DMTN: variants seen among roughly 807,000 people sequenced by gnomAD.
DMTN encodes dematin actin binding protein, also known as dematin.
A neutral mutation model predicts 59.4 loss-of-function variants in DMTN; 27 were observed. That is an observed-to-expected ratio of 0.45 (90% CI 0.33 to 0.63). The LOEUF (loss-of-function observed/expected upper bound fraction) is 0.63, where lower values mean the gene tolerates loss of function less well. DMTN is among the 20% of genes least tolerant of loss of function. The pLI is 0.02. For synonymous variants in DMTN, 221 were observed against 203.7 expected (o/e 1.08, Z -0.72); for missense variants, 451 against 528.9 (o/e 0.85, Z 1.45).
intron 4 of DMTN, 47 bp downstream of exon 4, chr8:22,067,729 G>A: frequency 3.1e-6 from 5 of 1,600,860 alleles, no homozygotes; most frequent in Non-Finnish European, 3.4e-6. Context: ...GCCCCCCCCA[G>A]CCACACTGGG....
In DMTN at chr8:22,080,589, A is replaced by G. The variant is rs781702437; in HGVS notation, c.950-29A>G. On this transcript the variant is annotated intron_variant, in intron 12 of 15. Coordinates refer to ENST00000358242, the MANE Select transcript of DMTN (RefSeq NM_001387751.1). ...GTTGGCCTGCTGACCTCAGAGCTGC[A>G]TCTGACCCATGCCCCTTCTCTCCCG... is the stretch of plus-strand genomic sequence containing the variant. 14 of 1,611,456 alleles carry G rather than the reference A, an allele frequency of 8.7e-6. 1 individual carries two copies. The South Asian group carries it at 1.5e-4, about 18-fold the overall frequency.
intron 10 of DMTN, among the ~76,000 whole-genome samples, chr8:22,075,284 G>A (rs949593539): frequency 6.6e-6 from 1 of 151,026 alleles, no homozygotes; most frequent in Non-Finnish European, 1.5e-5. Flanking sequence ...AGACTCAAGG[G>A]GAGGGGAGCT....
chr8:22,067,244 A>C, intron 3 of DMTN, 85 bp downstream of exon 3: 1 of 1,446,472 alleles, frequency 6.9e-7, no homozygotes, highest in Non-Finnish European at 9.5e-7. Context: ...GCCTTCCCGC[A>C]GAGCCTCCCC....
chr8:22,061,151 A>T (rs1170530990), intron 1 of DMTN, among the ~76,000 whole-genome samples: 1 of 151,900 alleles, frequency 6.6e-6, no homozygotes. Flanking sequence ...GGTGTTGTGG[A>T]GTACTCCTGT....
rs1300307029 is a variant in DMTN at position 22,082,311 on chromosome 8, GC to G, written c.*855del. ...TCTCTCAAGAATGTAATTTATTGGGGCCCCCCCAGCTGCTTTCCTCACCTGC... is the reference window on the plus strand; with the variant it reads ...TCTCTCAAGAATGTAATTTATTGGGGCCCCCCAGCTGCTTTCCTCACCTGC... On this transcript the variant is annotated 3_prime_UTR_variant, in exon 16 of 16. Coordinates refer to ENST00000358242, the MANE Select transcript of DMTN (RefSeq NM_001387751.1). 7.4e-5 allele frequency: 33 copies of G among 445,198 alleles called. No homozygotes were observed. The highest frequency in any genetic ancestry group is 1.2e-4 in the Admixed American group (5 of 41,402). The allele number at this position is 445,198 out of a possible 1,614,324, so 27.6% of individuals were successfully genotyped here.
chr8:22,073,873 G>A (rs781251621), intron 10 of DMTN, 38 bp downstream of exon 10: 4 of 1,551,412 alleles, frequency 2.6e-6, no homozygotes, highest in Non-Finnish European at 3.6e-6. Context: ...CACCTGGCCA[G>A]AGATGGAGGC....
chr8:22,074,916 T>C (rs6992424), intron 10 of DMTN, among the ~76,000 whole-genome samples: 147,591 of 152,200 alleles, frequency 0.97, 71,556 homozygotes, highest in East Asian at 0.99. Context: ...GGTCCCGGCA[T>C]GGTGGCTCAC....
In DMTN at chr8:22,060,339, TGTGG is replaced by T. The variant is rs1298527973; in HGVS notation, c.-172+3208_-172+3211del. 6.6e-6 allele frequency among the ~76,000 whole-genome samples: 1 copy of T among 152,108 alleles called. No homozygotes were observed. Among genetic ancestry groups the T allele is most frequent in the African/African-American group, 2.4e-5 (1 of 41,390 alleles). Reference sequence around the variant, plus strand: ...ATGAGCTTTGATGGAAAGGGCTACTTGTGGGTGGAGTAGGCAGGGTGTGATTTGA... The same window carrying T: ...ATGAGCTTTGATGGAAAGGGCTACTTGTGGAGTAGGCAGGGTGTGATTTGA... On this transcript the variant is annotated intron_variant, in intron 1 of 15. Coordinates refer to ENST00000358242, the MANE Select transcript of DMTN (RefSeq NM_001387751.1). The surrounding 1 kb of genome is among the most constrained non-coding windows in gnomAD (Gnocchi z 5.0).
Position 22,081,353 on chromosome 8 carries a change from C to T in DMTN, c.1108C>T (p.His370Tyr). The T allele has an allele frequency of 6.2e-7, 1 of 1,613,926 alleles. No homozygotes were observed. Among genetic ancestry groups the T allele is most frequent in the South Asian group, 1.1e-5 (1 of 91,082 alleles). Residue 370 changes from histidine (H) to tyrosine (Y), a missense_variant, in exon 16 of 16, where the codon CAT (histidine) becomes TAT (tyrosine). Coordinates refer to ENST00000358242, the MANE Select transcript of DMTN (RefSeq NM_001387751.1). ...CTGCCCCGATTCCCCCATGTAGAGG[C>T]ATCTGTCTGCCGAGGACTTCTCAAG... ...PGVDRMRLER[H>Y]LSAEDFSRVF...
In DMTN at chr8:22,066,745, G is replaced by A; in HGVS notation, c.-131G>A. On this transcript the variant is annotated 5_prime_UTR_variant, in exon 2 of 16. Coordinates refer to ENST00000358242, the MANE Select transcript of DMTN (RefSeq NM_001387751.1). ...CCGAGGGATGAGGACGCGCCAGCCCGGGGGAACGCGCCAGCTGCTTTCGCG... is the reference window on the plus strand; with the variant it reads ...CCGAGGGATGAGGACGCGCCAGCCCAGGGGAACGCGCCAGCTGCTTTCGCG... The A allele has an allele frequency of 2.8e-6, 3 of 1,054,500 alleles. No homozygotes were observed. The highest frequency in any genetic ancestry group is 2.5e-6 in the Non-Finnish European group (2 of 804,126). 65.3% of individuals were successfully genotyped at this position (1,054,500 alleles called of 1,614,324 possible). A position where few individuals can be genotyped will look rare whatever the true frequency, so the allele number is the denominator to read the frequency against.
intron 5 of DMTN, 59 bp from the exon 6 acceptor site, chr8:22,069,360 G>A: frequency 1.4e-6 from 2 of 1,416,064 alleles, no homozygotes; most frequent in South Asian, 1.2e-5. Context: ...AGCTGATGGG[G>A]TGCATGTGTG....
chr8:22,054,547 C>A (rs367630801), upstream of DMTN, among the ~76,000 whole-genome samples: 56 of 133,336 alleles, frequency 4.2e-4, no homozygotes, highest in African/African-American at 1.5e-3. Context: ...ACTGTCCCTG[C>A]CTTGCTGCCT....
chr8:22,080,623 C>A lies in DMTN; in HGVS notation c.955C>A (p.Gln319Lys). 6.2e-7 allele frequency: 1 copy of A among 1,606,242 alleles called. No homozygotes were observed. Residue 319 changes from glutamine to lysine, a missense_variant and splice_region_variant, in exon 13 of 16, where the codon CAG (glutamine) becomes AAG (lysine). Coordinates refer to ENST00000358242, the MANE Select transcript of DMTN (RefSeq NM_001387751.1). The stretch of plus-strand genomic sequence containing the variant: ...ATGCCCCTTCTCTCCCGCAGGCCTG[C>A]AGGTGAGTGCCTCCTGGAGGGGAAC... ...SGSETGSPGL[Q>K]NGEGQRGRMD...
At chr8:22,075,194 A>G (rs1349861849) in intron 10 of DMTN, among the ~76,000 whole-genome samples, 1 of 150,640 alleles carries the variant, frequency 6.6e-6, no homozygotes, top group Non-Finnish European at 1.5e-5. Context: ...CTCAAAAAAA[A>G]AAAAAAGAAA....
At chr8:22,077,735 A>G (rs1268927757) in intron 10 of DMTN, among the ~76,000 whole-genome samples, 2 of 152,192 alleles carry the variant, frequency 1.3e-5, no homozygotes, top group East Asian at 1.9e-4. Context: ...ACATGACTGC[A>G]TAGGTTACTG....
upstream of DMTN, among the ~76,000 whole-genome samples, chr8:22,049,585 A>G (rs902328914): frequency 1.2e-5 from 1 of 80,130 alleles, no homozygotes; most frequent in Non-Finnish European, 2.8e-5. Flanking sequence ...CCCCCCCGCC[A>G]CCCCACCAGG....
chr8:22,063,070 C>T (rs557018695), intron 1 of DMTN, among the ~76,000 whole-genome samples: 1 of 152,284 alleles, frequency 6.6e-6, no homozygotes, highest in East Asian at 1.9e-4. Flanking sequence ...TCTCTGGTTC[C>T]AGCCTGGCCT....
At chr8:22,053,233 T>C (rs181784024), upstream of DMTN, among the ~76,000 whole-genome samples, 351 of 152,142 alleles carry the variant, frequency 2.3e-3, no homozygotes, top group African/African-American at 8.1e-3. Context: ...GTCCTTATGC[T>C]GTGGCAGGGA....
At chr8:22,071,464 G>A (rs1027334228) in intron 8 of DMTN, among the ~76,000 whole-genome samples, 11 of 151,160 alleles carry the variant, frequency 7.3e-5, no homozygotes, top group East Asian at 2.0e-4. Flanking sequence ...GCGAGATCTC[G>A]GCTCACTGCA....
Sources: allele counts gnomAD v4.1 joint callset (sites outside exome capture counted in the v4.1 genomes callset), GRCh38; gene constraint gnomAD v4.1.1; non-coding constraint Gnocchi (gnomAD v3.1); transcripts MANE v1.5; gene names NCBI Gene and HGNC (gene_info 2026-07-23, HGNC 2026-07-21).